Variants in AGBL2 observed in about 807,000 individuals in gnomAD.
AGBL2 encodes the protein AGBL carboxypeptidase 2, also known as cytosolic carboxypeptidase 2.
In AGBL2, 87 loss-of-function variants were observed where a neutral mutation model predicts 103.0. That is an observed-to-expected ratio of 0.84 (90% CI 0.71 to 1.01). The LOEUF is 1.01. Ranked by LOEUF, AGBL2 falls within the 50% of genes least tolerant of loss-of-function variation. The pLI, the probability that AGBL2 is intolerant of heterozygous loss-of-function variation, is 0.00. For synonymous variants in AGBL2, 335 were observed against 356.7 expected (o/e 0.94, Z 0.69); for missense variants, 904 against 1,023.5 (o/e 0.88, Z 1.59).
intron 14 of AGBL2, 51 bp from the exon 15 acceptor site, chr11:47,668,958 A>G (rs771732922): frequency 1.5e-6 from 2 of 1,309,078 alleles, no homozygotes; most frequent in Non-Finnish European, 2.2e-6. Context: ...TGATATGTCT[A>G]GGAAGCATAA....
intron 11 of AGBL2, 62 bp downstream of exon 11, chr11:47,685,831 T>C (rs2097421385): frequency 1.3e-6 from 2 of 1,500,912 alleles, no homozygotes; most frequent in African/African-American, 2.8e-5. Context: ...ACACTACATA[T>C]AGGAAGCAGT....
At chr11:47,666,727 T>A (rs1276538924) in intron 17 of AGBL2, 3 of 611,240 alleles carry the variant, frequency 4.9e-6, no homozygotes, top group Non-Finnish European at 8.7e-6. Context: ...TGTTCTTATG[T>A]TCTTGGTGTA....
chr11:47,683,942 A>C (rs2097412814), intron 11 of AGBL2, among the ~76,000 whole-genome samples: 1 of 151,108 alleles, frequency 6.6e-6, no homozygotes, highest in South Asian at 2.1e-4. Flanking sequence ...AAAAAAAAAA[A>C]AAAACTTAAA....
At chr11:47,691,729 A>AAAAATATATAT in intron 9 of AGBL2, among the ~76,000 whole-genome samples, 1 of 4,854 alleles carries the variant, frequency 2.1e-4, no homozygotes, top group African/African-American at 7.2e-4. Context: ...AAAAAAAAAA[A>AAAAATATATAT]ATATATATAT....
rs2097323893 is a variant in AGBL2 at position 47,659,885 on chromosome 11, A to G, written c.*288T>C. The G allele has an allele frequency of 1.8e-5, 5 of 278,574 alleles. No individual in the cohort carries two copies. Among genetic ancestry groups the G allele is most frequent in the Non-Finnish European group, 6.6e-6 (1 of 150,894 alleles). 17.3% of individuals were successfully genotyped at this position (278,574 alleles called of 1,614,324 possible). A position where few individuals can be genotyped will look rare whatever the true frequency, so the allele number is the denominator to read the frequency against. On this transcript the variant is annotated 3_prime_UTR_variant, in exon 19 of 19. Transcript: ENST00000525123. ...ATATCTATTGGTTAAAATGAGGTATATCTGTGCTGCCATGAAGTGTGCCAT... is the reference window on the plus strand; with the variant it reads ...ATATCTATTGGTTAAAATGAGGTATGTCTGTGCTGCCATGAAGTGTGCCAT...
chr11:47,684,814 C>T (rs1490525779), intron 11 of AGBL2, among the ~76,000 whole-genome samples: 2 of 152,114 alleles, frequency 1.3e-5, no homozygotes, highest in African/African-American at 4.8e-5. Context: ...ATAACCTTTC[C>T]TATGAAGACT....
At chr11:47,696,333 C>T (rs1156807709) in intron 8 of AGBL2, among the ~76,000 whole-genome samples, 1 of 151,708 alleles carries the variant, frequency 6.6e-6, no homozygotes, top group Non-Finnish European at 1.5e-5. Flanking sequence ...TGTGATCTTG[C>T]CTCACTGCAA....
intron 4 of AGBL2, among the ~76,000 whole-genome samples, chr11:47,709,399 A>C (rs182298710): frequency 6.6e-6 from 1 of 151,832 alleles, no homozygotes; most frequent in East Asian, 1.9e-4. Context: ...TTGTAGAGAA[A>C]AGAGGGGTGG....
chr11:47,672,078 T>A (rs1431225339), intron 14 of AGBL2, among the ~76,000 whole-genome samples: 1 of 152,172 alleles, frequency 6.6e-6, no homozygotes, highest in Non-Finnish European at 1.5e-5. Flanking sequence ...GTCTGCCTGT[T>A]TCTGAATTGG....
intron 18 of AGBL2, 60 bp from the exon 19 acceptor site, chr11:47,660,406 A>C: frequency 6.5e-7 from 1 of 1,528,110 alleles, no homozygotes; most frequent in South Asian, 1.2e-5. Context: ...CCAAATATGT[A>C]GTTAGGGTTG....
chr11:47,664,937 A>G (rs2153802592), intron 17 of AGBL2, among the ~76,000 whole-genome samples: 1 of 149,826 alleles, frequency 6.7e-6, no homozygotes, highest in East Asian at 2.0e-4. Flanking sequence ...GCTGGGGTGC[A>G]GTGGTAGGAT....
At position 47,670,332 on chromosome 11, in the gene AGBL2, T is replaced by A. The variant is rs189362748; in HGVS notation, c.2148-1425A>T. ...CTGTATCTACAAAAAATGTTTTTTT[T>A]AAAATTAGCTAGTAATGGTGGTGCC... On this transcript the variant is annotated intron_variant, in intron 14 of 18. Transcript: ENST00000525123. 7.9e-5 allele frequency among the ~76,000 whole-genome samples: 12 copies of A among 152,206 alleles called. No homozygotes were observed. The East Asian group carries it at 2.3e-3, about 29-fold the overall frequency.
At chr11:47,698,006 C>A (rs908825427) in intron 8 of AGBL2, among the ~76,000 whole-genome samples, 1 of 151,456 alleles carries the variant, frequency 6.6e-6, no homozygotes, top group African/African-American at 2.4e-5. Context: ...GGTTTACAGG[C>A]GCCTGCCACC....
intron 11 of AGBL2, among the ~76,000 whole-genome samples, chr11:47,685,406 A>G (rs1598980904): frequency 6.6e-6 from 1 of 150,506 alleles, no homozygotes; most frequent in East Asian, 2.0e-4. Flanking sequence ...GAGCCACTGT[A>G]GCTGGCAGGA....
At chr11:47,711,389 TC>T (rs981696320) in intron 3 of AGBL2, among the ~76,000 whole-genome samples, 1 of 152,176 alleles carries the variant, frequency 6.6e-6, no homozygotes, top group African/African-American at 2.4e-5. Flanking sequence ...AGACAACCTT[TC>T]TTCAGTGAAG....
At chr11:47,702,930 G>A (rs1238965979) in intron 7 of AGBL2, among the ~76,000 whole-genome samples, 1 of 151,874 alleles carries the variant, frequency 6.6e-6, no homozygotes, top group African/African-American at 2.4e-5. Flanking sequence ...AGAGACATAC[G>A]TGATGTTTGC....
intron 17 of AGBL2, among the ~76,000 whole-genome samples, chr11:47,663,499 C>T (rs1050209000): frequency 2.6e-5 from 4 of 151,934 alleles, no homozygotes; most frequent in African/African-American, 9.7e-5. Context: ...GCTCTTGCCA[C>T]CAGCTGTGCT....
intron 7 of AGBL2, among the ~76,000 whole-genome samples, chr11:47,701,959 C>G (rs1303288495): frequency 7.5e-6 from 1 of 134,142 alleles, no homozygotes; most frequent in Non-Finnish European, 1.5e-5. Flanking sequence ...GGCGACAGAG[C>G]GAGACTCTGT....
At chr11:47,678,338 A>ATTATTTTTT (rs1565026654) in intron 13 of AGBL2, among the ~76,000 whole-genome samples, 42 of 95,136 alleles carry the variant, frequency 4.4e-4, no homozygotes, top group Non-Finnish European at 7.2e-4. Context: ...TTATTTTATT[A>ATTATTTTTT]TTTTATTTTT....
Sources: allele counts gnomAD v4.1 joint callset (sites outside exome capture counted in the v4.1 genomes callset), GRCh38; gene constraint gnomAD v4.1.1; transcripts MANE v1.5; gene names NCBI Gene and HGNC (gene_info 2026-07-23, HGNC 2026-07-21).